Variants in MICALL1 observed in about 807,000 individuals in gnomAD.
The protein encoded by MICALL1 is MICAL-like protein 1.
Under a neutral mutation model 83.7 loss-of-function variants are expected in MICALL1, and 61 were observed. The ratio of observed to expected loss-of-function variants is 0.73; its 90% confidence interval spans 0.59 to 0.90. MICALL1 has a LOEUF of 0.90. Among genes scored for constraint, MICALL1 ranks in the 40% least tolerant of loss-of-function variants. MICALL1 has a pLI of 0.00. For missense variants in MICALL1, 1,066 were observed against 1,152.0 expected, an observed-to-expected ratio of 0.93 and a Z score of 1.08; for synonymous variants, 481 against 473.6, an observed-to-expected ratio of 1.02 and a Z score of -0.20.
rs1427388040 is a variant in MICALL1 at position 37,922,395 on chromosome 22, G to A, written c.993G>A (p.Val331=). 2 of 1,533,718 alleles carry A rather than the reference G, an allele frequency of 1.3e-6. No individual in the cohort carries two copies. Among genetic ancestry groups the A allele is most frequent in the African/African-American group, 1.4e-5 (1 of 72,812 alleles). ...CCAGTCTGCAGCAGGAGAACCTGGT[G>A]GAGCAGGCTGGCAGCAGCAGCCTGG... ...PRSSLQQENL[V]EQAGSSSLVN... is the part of the protein sequence containing the mutation. The change falls in exon 6 of 16, where the codon GTG becomes GTA. Residue 331 remains valine, a synonymous_variant. Coordinates refer to ENST00000215957, the MANE Select transcript of MICALL1 (RefSeq NM_033386.4).
intron 13 of MICALL1, among the ~76,000 whole-genome samples, chr22:37,936,083 A>T (rs1039820829): frequency 1.5e-4 from 23 of 152,170 alleles, no homozygotes; most frequent in African/African-American, 5.6e-4. Flanking sequence ...TGTGGAGGGA[A>T]GGCCAAGTGT....
intron 5 of MICALL1, among the ~76,000 whole-genome samples, chr22:37,920,737 C>T (rs1433568077): frequency 3.9e-5 from 6 of 151,986 alleles, no homozygotes; most frequent in East Asian, 1.9e-4. Context: ...CTGGCTAACA[C>T]GGTGAAACCC....
intron 1 of MICALL1, among the ~76,000 whole-genome samples, chr22:37,911,036 G>A (rs1928288338): frequency 6.6e-6 from 1 of 152,208 alleles, no homozygotes; most frequent in Non-Finnish European, 1.5e-5. Context: ...AGGCTGCCCG[G>A]CGGGAAGACT....
At chr22:37,921,303 C>T (rs746492262) in intron 5 of MICALL1, among the ~76,000 whole-genome samples, 3 of 152,134 alleles carry the variant, frequency 2.0e-5, no homozygotes, top group Non-Finnish European at 4.4e-5. Context: ...AGTAGTGGCT[C>T]ACACCTGTAA....
intron 13 of MICALL1, among the ~76,000 whole-genome samples, chr22:37,933,833 G>A (rs890239059): frequency 3.0e-4 from 46 of 152,242 alleles, no homozygotes; most frequent in Admixed American, 5.9e-4. Context: ...GGGCCAGAGA[G>A]GTCAAGGGAC....
chr22:37,924,815 G>T lies in MICALL1; in HGVS notation c.1082+98G>T. 1 of 1,185,404 alleles carries T rather than the reference G, an allele frequency of 8.4e-7. No homozygotes were observed. Among genetic ancestry groups the T allele is most frequent in the Non-Finnish European group, 1.2e-6 (1 of 825,752 alleles). 73.4% of individuals were successfully genotyped at this position (1,185,404 alleles called of 1,614,324 possible). On this transcript the variant is annotated intron_variant, in intron 7 of 15. Coordinates refer to ENST00000215957, the MANE Select transcript of MICALL1 (RefSeq NM_033386.4). The surrounding 1 kb of genome is among the most constrained non-coding windows in gnomAD (Gnocchi z 5.2). ...GTAGGGAGAGAGGCTTCCTGTGGAT[G>T]GGCAGGGCGGGGCTCAGGAGGGGAA...
chr22:37,922,120 C>G lies in MICALL1; in HGVS notation c.718C>G (p.Gln240Glu). Reference sequence around the variant, plus strand: ...TGGGCCCTTCTCACAGCCAAAGCAGCAGCACCAGCAGCAACTCGCAGAAGA... The same window carrying G: ...TGGGCCCTTCTCACAGCCAAAGCAGGAGCACCAGCAGCAACTCGCAGAAGA... ...RPGPFSQPKQ[Q>E]HQQQLAEDAK... The change falls in exon 6 of 16, where the codon CAG (glutamine) becomes GAG (glutamate). Residue 240 changes from glutamine to glutamate, a missense_variant. By Grantham distance (29) the Gln-to-Glu change is conservative (BLOSUM62 2). Transcript: ENST00000215957. 2 of 1,613,268 alleles carry G rather than the reference C, an allele frequency of 1.2e-6. No individual in the cohort carries two copies. The highest frequency in any genetic ancestry group is 1.7e-6 in the Non-Finnish European group (2 of 1,180,006).
rs374250968 is a variant in MICALL1 at position 37,925,031 on chromosome 22, T to G, written c.1082+314T>G. Among the ~76,000 whole-genome samples, 5 of 152,106 alleles carry G rather than the reference T, an allele frequency of 3.3e-5. No individual in the cohort carries two copies. The South Asian group carries it at 1.0e-3, about 31-fold the overall frequency. On this transcript the variant is annotated intron_variant, in intron 7 of 15. Coordinates refer to ENST00000215957, the MANE Select transcript of MICALL1 (RefSeq NM_033386.4). ...GCCGAGGCTTGATTATAGAGTTGATTTGAGGCTTAGCAGCAGAGTATAGAA... is the reference window on the plus strand; with the variant it reads ...GCCGAGGCTTGATTATAGAGTTGATGTGAGGCTTAGCAGCAGAGTATAGAA...
Position 37,909,201 on chromosome 22 carries a change from C to T in MICALL1, c.146+2633C>T, listed in dbSNP as rs552062251. On this transcript the variant is annotated intron_variant, in intron 1 of 15. Transcript: ENST00000215957. ...CCAAGTAGCTGGGATTACAGGCACGCACCACCATGCCTGGCTAATTTTTGT... is the reference window on the plus strand; with the variant it reads ...CCAAGTAGCTGGGATTACAGGCACGTACCACCATGCCTGGCTAATTTTTGT... Among the ~76,000 whole-genome samples, 43 of 152,030 alleles carry T rather than the reference C, an allele frequency of 2.8e-4. 1 individual carries two copies. The highest frequency in any genetic ancestry group is 2.2e-3 in the Admixed American group (33 of 15,254).
chr22:37,912,126 C>A, intron 2 of MICALL1, 126 bp downstream of exon 2: 1 of 1,219,782 alleles, frequency 8.2e-7, no homozygotes, highest in Non-Finnish European at 1.2e-6. Flanking sequence ...CTGGCTGCAC[C>A]TTTCCCCACC....
In MICALL1 at chr22:37,922,092, G is replaced by T. The variant is rs758689800; in HGVS notation, c.690G>T (p.Arg230Ser). The change falls in exon 6 of 16, where the codon AGG (arginine) becomes AGT (serine). Residue 230 changes from arginine to serine, a missense_variant. By Grantham distance (110) the Arg-to-Ser change is moderately radical. Transcript: ENST00000215957. ...RLGPGTRSGT[R>S]PGPFSQPKQQ... is the part of the protein sequence containing the mutation. ...GCCCGGGGACACGGTCGGGGACCAG[G>T]CCTGGGCCCTTCTCACAGCCAAAGC... The T allele has an allele frequency of 1.9e-6, 3 of 1,613,274 alleles. No homozygotes were observed. The highest frequency in any genetic ancestry group is 2.5e-6 in the Non-Finnish European group (3 of 1,180,002).
chr22:37,907,735 G>A (rs953775043), intron 1 of MICALL1, among the ~76,000 whole-genome samples: 9 of 152,336 alleles, frequency 5.9e-5, no homozygotes, highest in African/African-American at 2.2e-4. Flanking sequence ...CTGCAGTACC[G>A]TGTCTGTGGG....
Position 37,933,132 on chromosome 22 carries a change from C to T in MICALL1, c.2308+20C>T, listed in dbSNP as rs748358568. 6.2e-7 allele frequency: 1 copy of T among 1,612,458 alleles called. No homozygotes were observed. Among genetic ancestry groups the T allele is most frequent in the Non-Finnish European group, 8.5e-7 (1 of 1,179,232 alleles). ...AGCCAGGTGAGTGCAGCCACTGGCA[C>T]TCCCCTGGCACCTGCCCTGGGGCCT... On this transcript the variant is annotated intron_variant, in intron 13 of 15. Coordinates refer to ENST00000215957, the MANE Select transcript of MICALL1 (RefSeq NM_033386.4).
At chr22:37,939,036 G>A (rs1224981025) in intron 15 of MICALL1, among the ~76,000 whole-genome samples, 1 of 152,194 alleles carries the variant, frequency 6.6e-6, no homozygotes, top group Non-Finnish European at 1.5e-5. Flanking sequence ...GATTACAGGC[G>A]TGAGCCAGTG....
chr22:37,912,409 T>C lies in MICALL1; in HGVS notation c.254T>C (p.Met85Thr). Reference sequence around the variant, plus strand: ...CCCGCTCTCCTGGACCCCAATGACATGGTCTCCATGAGCGTCCCTGACTGC... The same window carrying C: ...CCCGCTCTCCTGGACCCCAATGACACGGTCTCCATGAGCGTCCCTGACTGC... ...GIPALLDPND[M>T]VSMSVPDCLS... The change falls in exon 3 of 16, where the codon ATG (methionine) becomes ACG (threonine). Residue 85 changes from methionine to threonine, a missense_variant. Coordinates refer to ENST00000215957, the MANE Select transcript of MICALL1 (RefSeq NM_033386.4). The C allele has an allele frequency of 1.2e-6, 2 of 1,614,006 alleles. No homozygotes were observed. The highest frequency in any genetic ancestry group is 2.2e-5 in the South Asian group (2 of 91,082).
chr22:37,906,446 G>A lies in MICALL1; in HGVS notation c.24G>A (p.Leu8=). The change falls in exon 1 of 16, where the codon CTG becomes CTA. Residue 8 remains leucine, a synonymous_variant. Coordinates refer to ENST00000215957, the MANE Select transcript of MICALL1 (RefSeq NM_033386.4). The surrounding 1 kb of genome is among the most constrained non-coding windows in gnomAD (Gnocchi z 4.4). The part of the protein sequence containing the change: MAGPRGA[L]LAWCRRQCEG... ...TCATGGCTGGGCCGCGGGGCGCGCT[G>A]CTGGCCTGGTGCCGCCGCCAGTGCG... is the stretch of plus-strand genomic sequence containing the variant. 8.4e-7 allele frequency: 1 copy of A among 1,186,626 alleles called. No individual in the cohort carries two copies. The highest frequency in any genetic ancestry group is 1.0e-6 in the Non-Finnish European group (1 of 956,542). 73.5% of individuals were successfully genotyped at this position (1,186,626 alleles called of 1,614,324 possible).
chr22:37,917,805 T>C lies in MICALL1; in HGVS notation c.426+10T>C. On this transcript the variant is annotated intron_variant, in intron 4 of 15. Coordinates refer to ENST00000215957, the MANE Select transcript of MICALL1 (RefSeq NM_033386.4). Reference sequence around the variant, plus strand: ...AGAAGATGTGGCTCAGGTAGGCAGATACCTGGAGAGGTGGGAGGGCCAGGG... The same window carrying C: ...AGAAGATGTGGCTCAGGTAGGCAGACACCTGGAGAGGTGGGAGGGCCAGGG... 1 of 1,613,020 alleles carries C rather than the reference T, an allele frequency of 6.2e-7. No homozygotes were observed. The highest frequency in any genetic ancestry group is 8.5e-7 in the Non-Finnish European group (1 of 1,179,258).
intron 1 of MICALL1, chr22:37,907,206 A>T (rs891974874): frequency 3.3e-5 from 5 of 152,676 alleles, no homozygotes; most frequent in African/African-American, 1.2e-4. Context: ...ATGGCCCTGC[A>T]GCCCTCCTCA....
At chr22:37,938,424 C>G (rs1601839275) in intron 15 of MICALL1, among the ~76,000 whole-genome samples, 1 of 146,048 alleles carries the variant, frequency 6.8e-6, no homozygotes, top group African/African-American at 2.5e-5. Context: ...AAAAAAAGTA[C>G]TGGACTGTAA....
Sources: gnomAD v4.1 joint callset for allele counts (sites outside exome capture counted in the v4.1 genomes callset) on GRCh38, gnomAD v4.1.1 for gene constraint, Gnocchi (gnomAD v3.1) non-coding constraint, MANE v1.5 for transcripts, NCBI Gene and HGNC (gene_info 2026-07-23, HGNC 2026-07-21) for gene names.